CAMTA1: variants seen among roughly 807,000 people sequenced by gnomAD.
The protein encoded by CAMTA1 is calmodulin-binding transcription activator 1.
A neutral mutation model predicts 170.9 loss-of-function variants in CAMTA1; 27 were observed. The observed-to-expected ratio is 0.16, with a 90% CI of 0.12 to 0.22. The LOEUF (loss-of-function observed/expected upper bound fraction) is 0.22, where lower values mean the gene tolerates loss of function less well. Ranked by LOEUF, CAMTA1 falls within the 10% of genes least tolerant of loss-of-function variation. The pLI is 1.00. For synonymous variants in CAMTA1, 833 were observed against 891.5 expected, an observed-to-expected ratio of 0.93 and a Z score of 1.17; for missense variants, 1,619 against 2,217.2, an observed-to-expected ratio of 0.73 and a Z score of 5.42.
intron 6 of CAMTA1, among the ~76,000 whole-genome samples, chr1:7,545,966 T>TC (rs2094687274): frequency 6.6e-6 from 1 of 150,590 alleles, no homozygotes; most frequent in Non-Finnish European, 1.5e-5. Flanking sequence ...TCTTTTTTTT[T>TC]TTTTTTTGAG....
intron 3 of CAMTA1, among the ~76,000 whole-genome samples, chr1:6,876,285 T>G (rs979415815): frequency 6.6e-6 from 1 of 152,164 alleles, no homozygotes; most frequent in African/African-American, 2.4e-5. Flanking sequence ...GTCATCAGAC[T>G]GTGAGGTCCC....
chr1:7,047,703 TTCTC>T (rs745458237), intron 3 of CAMTA1, among the ~76,000 whole-genome samples: 8,400 of 149,740 alleles, frequency 0.056, 656 homozygotes, highest in African/African-American at 0.18. Flanking sequence ...GGCTTTGGCT[TTCTC>T]TCTCTCTCTC....
At chr1:7,201,438 C>A (rs2097524) in intron 4 of CAMTA1, among the ~76,000 whole-genome samples, 70,281 of 151,872 alleles carry the variant, frequency 0.46, 18,149 homozygotes, top group Non-Finnish European at 0.58. Context: ...CTCTGTGTTT[C>A]ATTACTTGAG....
At chr1:7,187,473 C>A (rs1653612018) in intron 4 of CAMTA1, among the ~76,000 whole-genome samples, 1 of 151,990 alleles carries the variant, frequency 6.6e-6, no homozygotes, top group Non-Finnish European at 1.5e-5. Flanking sequence ...GTTGTCAATC[C>A]TATATTTGTC....
chr1:7,119,297 A>G (rs1644509862), intron 4 of CAMTA1, among the ~76,000 whole-genome samples: 1 of 152,158 alleles, frequency 6.6e-6, no homozygotes, highest in Non-Finnish European at 1.5e-5. Context: ...CTAAGCCCGA[A>G]CCCAGATGAA....
chr1:7,145,561 C>T (rs541915188), intron 4 of CAMTA1, among the ~76,000 whole-genome samples: 64 of 152,060 alleles, frequency 4.2e-4, no homozygotes, highest in Non-Finnish European at 8.5e-4. Flanking sequence ...GGAGCTGGGC[C>T]CAAGTAAAGC....
chr1:7,409,841 C>T (rs950539835), intron 5 of CAMTA1, among the ~76,000 whole-genome samples: 1 of 152,228 alleles, frequency 6.6e-6, no homozygotes, highest in Non-Finnish European at 1.5e-5. Context: ...CAAGGTGACA[C>T]CCAAGTTCTT....
At chr1:7,703,458 CG>C (rs1271213328) in intron 11 of CAMTA1, among the ~76,000 whole-genome samples, 2 of 152,180 alleles carry the variant, frequency 1.3e-5, no homozygotes, top group South Asian at 4.1e-4. Flanking sequence ...AAGCCATGGA[CG>C]ATCTACCGGC....
chr1:6,922,504 C>A (rs1175024313), intron 3 of CAMTA1, among the ~76,000 whole-genome samples: 1 of 152,196 alleles, frequency 6.6e-6, no homozygotes, highest in Non-Finnish European at 1.5e-5. Context: ...CATTTGGGGA[C>A]AGAGCAGCCA....
rs530074256 is a variant in CAMTA1 at position 7,309,940 on chromosome 1, T to C, written c.438+60314T>C. ...TTTTTGCTTTCAACCATCAAAAATA[T>C]TTTAAACTACTTGAGAATAATTGTC... On this transcript the variant is annotated intron_variant, in intron 5 of 22. Transcript: ENST00000303635. Among the ~76,000 whole-genome samples, 17 of 152,266 alleles carry C rather than the reference T, an allele frequency of 1.1e-4. No homozygotes were observed. In the South Asian group the frequency reaches 2.7e-3, roughly 24 times the overall value.
chr1:7,617,009 C>T lies in CAMTA1; in HGVS notation c.511-23391C>T, dbSNP rs11120988. On this transcript the variant is annotated intron_variant, in intron 6 of 22. Transcript: ENST00000303635. ...GCAGGGAAGTTTTCCCTCTAAGGCACAGAGGGTTGAGCTCGTGGGGTAAAG... is the reference window on the plus strand; with the variant it reads ...GCAGGGAAGTTTTCCCTCTAAGGCATAGAGGGTTGAGCTCGTGGGGTAAAG... Among the ~76,000 whole-genome samples, 757 of 152,300 alleles carry T rather than the reference C, an allele frequency of 5.0e-3. 5 individuals carry two copies. Among genetic ancestry groups the T allele is most frequent in the African/African-American group, 0.017 (707 of 41,554 alleles).
chr1:7,745,887 C>T lies in CAMTA1; in HGVS notation c.4413C>T (p.Ser1471=). Residue 1471 remains serine, a synonymous_variant, in exon 18 of 23, where the codon AGC becomes AGT. Transcript: ENST00000303635. The part of the protein sequence containing the change: ...NEPLTPSSNT[S]LSPVGSPVSE... ...CTCTAACCCCTTCTTCTAATACCAG[C>T]TTGAGCCCTGTTGGCTCTCCCGTCA... The T allele has an allele frequency of 6.2e-7, 1 of 1,614,182 alleles. No individual in the cohort carries two copies. The highest frequency in any genetic ancestry group is 8.5e-7 in the Non-Finnish European group (1 of 1,180,006).
At chr1:6,881,638 C>A (rs934163012) in intron 3 of CAMTA1, among the ~76,000 whole-genome samples, 9 of 152,082 alleles carry the variant, frequency 5.9e-5, no homozygotes, top group Non-Finnish European at 1.2e-4. Flanking sequence ...GGAAAGCCAC[C>A]TGAGGATTTT....
intron 3 of CAMTA1, among the ~76,000 whole-genome samples, chr1:7,061,434 A>G (rs1046847784): frequency 1.3e-5 from 2 of 152,224 alleles, no homozygotes; most frequent in African/African-American, 4.8e-5. Flanking sequence ...GCTGGCCTGC[A>G]TCATTCTGAG....
intron 3 of CAMTA1, among the ~76,000 whole-genome samples, chr1:6,859,719 G>T (rs1663902578): frequency 6.6e-6 from 1 of 152,202 alleles, no homozygotes; most frequent in Non-Finnish European, 1.5e-5. Flanking sequence ...AGCCCAGGAA[G>T]TCGAGGCTGC....
At chr1:7,589,832 C>G (rs943323190) in intron 6 of CAMTA1, among the ~76,000 whole-genome samples, 3 of 152,206 alleles carry the variant, frequency 2.0e-5, no homozygotes, top group African/African-American at 7.2e-5. Flanking sequence ...CCTCCCGAGG[C>G]CCCTCCATCA....
chr1:6,897,481 AC>A (rs975252491), intron 3 of CAMTA1, among the ~76,000 whole-genome samples: 5 of 152,100 alleles, frequency 3.3e-5, no homozygotes, highest in African/African-American at 1.2e-4. Flanking sequence ...TCATATATAC[AC>A]CCCCAGATTG....
intron 5 of CAMTA1, among the ~76,000 whole-genome samples, chr1:7,466,311 T>A (rs1193238): frequency 1.3e-5 from 2 of 152,044 alleles, no homozygotes; most frequent in African/African-American, 4.8e-5. Flanking sequence ...GCAAGGGAAT[T>A]GTTTAAATTA....
chr1:7,664,334 C>T lies in CAMTA1; in HGVS notation c.1787C>T (p.Thr596Met), dbSNP rs200089323. The change falls in exon 9 of 23, where the codon ACG (threonine) becomes ATG (methionine). Residue 596 changes from threonine (T) to methionine (M), a missense_variant. Coordinates refer to ENST00000303635, the MANE Select transcript of CAMTA1 (RefSeq NM_015215.4). Reference protein sequence around the residue: ...FSAIDSNKDYTSSFSQTGHSP... With the variant: ...FSAIDSNKDYMSSFSQTGHSP... ...GCCATCGACTCCAACAAGGACTACA[C>T]GTCCAGCTTCAGCCAGACGGGCCAC... is the stretch of plus-strand genomic sequence containing the variant. 118 of 1,613,534 alleles carry T rather than the reference C, an allele frequency of 7.3e-5. No individual in the cohort carries two copies. Among genetic ancestry groups the T allele is most frequent in the Admixed American group, 1.3e-4 (8 of 60,028 alleles).
Sources: allele counts gnomAD v4.1 joint callset (sites outside exome capture counted in the v4.1 genomes callset), GRCh38; gene constraint gnomAD v4.1.1; transcripts MANE v1.5; gene names NCBI Gene and HGNC (gene_info 2026-07-23, HGNC 2026-07-21).